The following ZNF695 variants were observed in gnomAD, a reference collection of about 807,000 sequenced individuals.
ZNF695 encodes the protein zinc finger protein 695.
Under a neutral mutation model 11.2 loss-of-function variants are expected in ZNF695, and 11 were observed. The observed-to-expected ratio is 0.98, with a 90% CI of 0.62 to 1.62. The LOEUF is 1.62. Ranked by LOEUF, ZNF695 falls within the 40% of genes most tolerant of loss-of-function variation. The pLI, the probability that ZNF695 is intolerant of heterozygous loss-of-function variation, is 0.00. For missense variants in ZNF695, 559 were observed against 590.5 expected (o/e 0.95, Z 0.55); for synonymous variants, 190 against 201.4 (o/e 0.94, Z 0.48).
At position 246,995,788 on chromosome 1, in the gene ZNF695, G is replaced by T. The variant is rs143140317; in HGVS notation, c.259+3560C>A. 1.2e-3 allele frequency among the ~76,000 whole-genome samples: 169 copies of T among 141,696 alleles called. 1 individual carries two copies. Among genetic ancestry groups the T allele is most frequent in the Middle Eastern group, 3.9e-3 (1 of 256 alleles). 93.0% of individuals were successfully genotyped at this position (141,696 alleles called of 152,430 possible). A position where few individuals can be genotyped will look rare whatever the true frequency, so the allele number is the denominator to read the frequency against. ...AGATCGCACCATTGCATTCCAACCT[G>T]GGTGACAGAGCTGAGACTCTGTCTC... On this transcript the variant is annotated intron_variant, in intron 3 of 3. Coordinates refer to ENST00000339986, the MANE Select transcript of ZNF695 (RefSeq NM_020394.5).
At chr1:246,949,819 T>C (rs955113771) in intron 5 of ZNF695, among the ~76,000 whole-genome samples, 5 of 152,170 alleles carry the variant, frequency 3.3e-5, no homozygotes, top group African/African-American at 1.2e-4. Context: ...GACTAATTAC[T>C]TTTCTTTTAT....
At chr1:246,947,897 C>T (rs193244416) in intron 5 of ZNF695, among the ~76,000 whole-genome samples, 16 of 152,106 alleles carry the variant, frequency 1.1e-4, no homozygotes, top group African/African-American at 1.7e-4. Flanking sequence ...TTGCAAGGAA[C>T]GGGACAAGGA....
At chr1:246,998,724 T>G (rs1382217860) in intron 3 of ZNF695, among the ~76,000 whole-genome samples, 1 of 152,142 alleles carries the variant, frequency 6.6e-6, no homozygotes, top group Non-Finnish European at 1.5e-5. Flanking sequence ...TCCCGGCACT[T>G]TGGGAGGCCG....
At chr1:246,958,261 T>A (rs1003571285) in intron 5 of ZNF695, among the ~76,000 whole-genome samples, 3 of 152,042 alleles carry the variant, frequency 2.0e-5, no homozygotes, top group Admixed American at 6.6e-5. Context: ...GGTTTCACCA[T>A]GTTAGCCAGG....
At chr1:247,005,869 A>T (rs1470105222) in intron 1 of ZNF695, among the ~76,000 whole-genome samples, 1 of 152,218 alleles carries the variant, frequency 6.6e-6, no homozygotes. Context: ...CAGAGTGTCA[A>T]GTGATTATTC....
intron 5 of ZNF695, among the ~76,000 whole-genome samples, chr1:246,964,828 G>T (rs894465973): frequency 2.0e-5 from 3 of 152,044 alleles, no homozygotes; most frequent in African/African-American, 7.2e-5. Flanking sequence ...CTGAGATCGC[G>T]GCACTGCACT....
downstream of ZNF695, among the ~76,000 whole-genome samples, chr1:246,980,652 A>G (rs1284604149): frequency 6.6e-6 from 1 of 152,092 alleles, no homozygotes; most frequent in Non-Finnish European, 1.5e-5. Flanking sequence ...TCCTGACCAC[A>G]ACTGATCCAC....
chr1:246,947,730 CTTGTT>C (rs1469290507), intron 5 of ZNF695, among the ~76,000 whole-genome samples: 1 of 152,182 alleles, frequency 6.6e-6, no homozygotes, highest in South Asian at 2.1e-4. Flanking sequence ...ACAGACATCA[CTTGTT>C]TTATTTTCAG....
chr1:246,980,005 CT>C (rs1668664231), intron 4 of ZNF695: 2 of 88,124 alleles, frequency 2.3e-5, no homozygotes, highest in South Asian at 8.4e-4. Context: ...CCCGTCTCTA[CT>C]AAAAAAAAAA....
rs1461081396 is a variant in ZNF695 at position 247,007,999 on chromosome 1, G to A, written c.-91C>T. On this transcript the variant is annotated 5_prime_UTR_variant, in exon 1 of 4. Coordinates refer to ENST00000339986, the MANE Select transcript of ZNF695 (RefSeq NM_020394.5). ...GATGGAGCCTGCGGCAGTCACCCGG[G>A]ACTCTCCGAGAGGCAGCAGACGGGA... 31 of 1,362,870 alleles carry A rather than the reference G, an allele frequency of 2.3e-5. No homozygotes were observed. In the South Asian group the frequency reaches 4.8e-4, roughly 21 times the overall value. The allele number at this position is 1,362,870 out of a possible 1,614,324, so 84.4% of individuals were successfully genotyped here.
intron 5 of ZNF695, among the ~76,000 whole-genome samples, chr1:246,965,908 A>G (rs1668278624): frequency 6.6e-6 from 1 of 151,674 alleles, no homozygotes; most frequent in Non-Finnish European, 1.5e-5. Flanking sequence ...TTCTGTTATA[A>G]GCAAGAGAAA....
chr1:246,974,167 A>AAC (rs1668500949), intron 4 of ZNF695, among the ~76,000 whole-genome samples: 4 of 151,806 alleles, frequency 2.6e-5, no homozygotes, highest in African/African-American at 9.7e-5. Flanking sequence ...CAAACAAAAA[A>AAC]AAACAAACAA....
rs374234938 is a variant in ZNF695 at position 246,987,990 on chromosome 1, C to G, written c.525G>C (p.Lys175Asn). 1.4e-5 allele frequency: 23 copies of G among 1,599,948 alleles called. No individual in the cohort carries two copies. The highest frequency in any genetic ancestry group is 3.6e-5 in the Admixed American group (2 of 55,994). The change falls in exon 4 of 4, where the codon AAG (lysine) becomes AAC (asparagine). Residue 175 changes from lysine (K) to asparagine (N), a missense_variant. Lys to Asn is a moderately conservative substitution (Grantham distance 94, BLOSUM62 0). Coordinates refer to ENST00000339986, the MANE Select transcript of ZNF695 (RefSeq NM_020394.5). ...ATGGTTTTTCTCCAGTATGGCTTAT[C>G]TTACATTTATTTAGATTTGCAAATT... ...FSKFANLNKCKISHTGEKPFK... is the reference protein window; with the variant it reads ...FSKFANLNKCNISHTGEKPFK...
intron 5 of ZNF695, among the ~76,000 whole-genome samples, chr1:246,958,206 A>ACC (rs1668053759): frequency 6.8e-6 from 1 of 147,284 alleles, no homozygotes; most frequent in Admixed American, 6.6e-5. Context: ...CTACAGGTGC[A>ACC]CACCACCACG....
chr1:246,949,228 T>C lies in ZNF695; in HGVS notation c.489-3401A>G, dbSNP rs1572500944. ...TAAAATTAATTCTGTGAGAGGCAGG[T>C]GGAATTTTTAGCTCTGGTTCAATCC... On this transcript the variant is annotated intron_variant, in intron 5 of 5. Coordinates refer to the ZNF695 transcript ENST00000487338. Among the ~76,000 whole-genome samples, 5 of 152,142 alleles carry C rather than the reference T, an allele frequency of 3.3e-5. No individual in the cohort carries two copies. The South Asian group carries it at 1.0e-3, about 32-fold the overall frequency.
chr1:246,972,160 C>T (rs1668444389), intron 4 of ZNF695, among the ~76,000 whole-genome samples: 1 of 152,246 alleles, frequency 6.6e-6, no homozygotes, highest in South Asian at 2.1e-4. Flanking sequence ...TCCGCCTCCT[C>T]TTGCCACTGA....
chr1:246,951,790 T>A (rs1486856916), intron 5 of ZNF695, among the ~76,000 whole-genome samples: 2 of 152,318 alleles, frequency 1.3e-5, no homozygotes, highest in Middle Eastern at 3.4e-3. Context: ...GCCAGCCCTT[T>A]GGGACTAGAA....
intron 5 of ZNF695, among the ~76,000 whole-genome samples, chr1:246,965,274 G>A (rs1328145281): frequency 6.7e-6 from 1 of 150,108 alleles, no homozygotes; most frequent in Non-Finnish European, 1.5e-5. Flanking sequence ...GGAGAATGGC[G>A]TGAACCCGGG....
At chr1:246,983,394 G>A (rs1202301500), downstream of ZNF695, among the ~76,000 whole-genome samples, 1 of 152,048 alleles carries the variant, frequency 6.6e-6, no homozygotes, top group African/African-American at 2.4e-5. Flanking sequence ...GGTGGCATGT[G>A]GCTGTACTCC....
Sources: gnomAD v4.1 joint callset for allele counts (sites outside exome capture counted in the v4.1 genomes callset) on GRCh38, gnomAD v4.1.1 for gene constraint, MANE v1.5 for transcripts, NCBI Gene and HGNC (gene_info 2026-07-23, HGNC 2026-07-21) for gene names.